Variants in ST8SIA4 observed in about 807,000 individuals in gnomAD.
ST8SIA4 encodes ST8 alpha-N-acetyl-neuraminide alpha-2,8-sialyltransferase 4.
In ST8SIA4, 15 loss-of-function variants were observed where a neutral mutation model predicts 33.9. That is an observed-to-expected ratio of 0.44 (90% CI 0.30 to 0.68). ST8SIA4 has a LOEUF of 0.68. Among genes scored for constraint, ST8SIA4 ranks in the 30% least tolerant of loss-of-function variants. The probability of loss-of-function intolerance (pLI) is 0.10; values close to 1 mark genes in which losing one functional copy is unlikely to be tolerated. For missense variants in ST8SIA4, 321 were observed against 428.0 expected, an observed-to-expected ratio of 0.75 and a Z score of 2.21; for synonymous variants, 171 against 151.2, an observed-to-expected ratio of 1.13 and a Z score of -0.96.
intron 3 of ST8SIA4, among the ~76,000 whole-genome samples, chr5:100,880,687 T>A (rs897395807): frequency 6.6e-6 from 1 of 152,304 alleles, no homozygotes; most frequent in Admixed American, 6.5e-5. Flanking sequence ...CAAGAGATGA[T>A]GTTGGCTTTT....
At chr5:100,814,287 A>C (rs2112395598) in intron 4 of ST8SIA4, among the ~76,000 whole-genome samples, 1 of 152,174 alleles carries the variant, frequency 6.6e-6, no homozygotes, top group Admixed American at 6.5e-5. Context: ...AAAGCATCTT[A>C]TTTGAAAATA....
intron 4 of ST8SIA4, among the ~76,000 whole-genome samples, chr5:100,841,299 T>C (rs1486910292): frequency 6.6e-6 from 1 of 151,852 alleles, no homozygotes; most frequent in Non-Finnish European, 1.5e-5. Flanking sequence ...ATTCAAGCCA[T>C]AGGTATTGGA....
intron 4 of ST8SIA4, among the ~76,000 whole-genome samples, chr5:100,821,578 C>G (rs1417818971): frequency 6.6e-6 from 1 of 152,030 alleles, no homozygotes; most frequent in Non-Finnish European, 1.5e-5. Context: ...CATTAACCTC[C>G]CAGATAGTTG....
chr5:100,891,494 ATTTCTAAGTCCTAGCAG>A (rs1406253100), intron 2 of ST8SIA4, among the ~76,000 whole-genome samples: 22 of 152,150 alleles, frequency 1.4e-4, no homozygotes, highest in African/African-American at 5.1e-4. Flanking sequence ...CTTATTTAGG[ATTTCTAAGTCCTAGCAG>A]TTATGGGAAA....
rs1348692179 is a variant in ST8SIA4 at position 100,856,352 on chromosome 5, G to T, written c.548C>A (p.Thr183Asn). 1 of 1,613,882 alleles carries T rather than the reference G, an allele frequency of 6.2e-7. No homozygotes were observed. The highest frequency in any genetic ancestry group is 8.5e-7 in the Non-Finnish European group (1 of 1,179,952). Reference sequence around the variant, plus strand: ...ATTCATGGTAATAAAATCTGATTTAGTTCCCACATCTGCAGCAAACTCCAC... The same window carrying T: ...ATTCATGGTAATAAAATCTGATTTATTTCCCACATCTGCAGCAAACTCCAC... ...PVVEFAADVGTKSDFITMNPS... is the reference protein window; with the variant it reads ...PVVEFAADVGNKSDFITMNPS... Residue 183 changes from threonine to asparagine, a missense_variant, in exon 4 of 5, where the codon ACT (threonine) becomes AAT (asparagine). By Grantham distance (65) the Thr-to-Asn change is moderately conservative. Coordinates refer to ENST00000231461, the MANE Select transcript of ST8SIA4 (RefSeq NM_005668.6).
intron 2 of ST8SIA4, 114 bp from the exon 3 acceptor site, chr5:100,886,714 AG>A (rs1218256447): frequency 3.6e-6 from 3 of 824,692 alleles, no homozygotes; most frequent in Non-Finnish European, 5.7e-6. Flanking sequence ...TATTAATCTT[AG>A]ATTACCAAAT....
At chr5:100,886,122 A>G (rs1343959849) in intron 3 of ST8SIA4, 1 of 1,314,938 alleles carries the variant, frequency 7.6e-7, no homozygotes, top group African/African-American at 1.5e-5. Context: ...AGCTGTGTGA[A>G]TCTTGTTGCT....
At chr5:100,847,209 C>T (rs1347049731) in intron 4 of ST8SIA4, among the ~76,000 whole-genome samples, 2 of 152,012 alleles carry the variant, frequency 1.3e-5, no homozygotes, top group East Asian at 3.8e-4. Context: ...AATTTTAAAA[C>T]AAGTAAGCCA....
At chr5:100,849,161 AAG>A in intron 4 of ST8SIA4, 1 of 985,144 alleles carries the variant, frequency 1.0e-6, no homozygotes, top group South Asian at 4.7e-5. Flanking sequence ...AATTAAGGAC[AAG>A]AGTTTTTTTG....
chr5:100,869,444 A>G (rs1217131726), intron 3 of ST8SIA4, among the ~76,000 whole-genome samples: 2 of 152,166 alleles, frequency 1.3e-5, no homozygotes, highest in East Asian at 3.9e-4. Context: ...GAATCATACC[A>G]TCGACACTAG....
intron 3 of ST8SIA4, among the ~76,000 whole-genome samples, chr5:100,879,226 C>T (rs1752368437): frequency 6.6e-6 from 1 of 152,122 alleles, no homozygotes; most frequent in Non-Finnish European, 1.5e-5. Context: ...ATCACAGCTG[C>T]TAAAATATCA....
At chr5:100,856,871 T>C (rs1474394848) in intron 3 of ST8SIA4, among the ~76,000 whole-genome samples, 2 of 152,184 alleles carry the variant, frequency 1.3e-5, no homozygotes, top group Non-Finnish European at 2.9e-5. Context: ...GAAATAAAGT[T>C]GGCTTTACTT....
At chr5:100,818,337 T>A (rs1277074184) in intron 4 of ST8SIA4, among the ~76,000 whole-genome samples, 1 of 151,988 alleles carries the variant, frequency 6.6e-6, no homozygotes, top group Non-Finnish European at 1.5e-5. Flanking sequence ...TCAATAGTGG[T>A]TTTTTTTCTA....
chr5:100,884,967 G>C (rs1752505562), intron 3 of ST8SIA4, among the ~76,000 whole-genome samples: 1 of 147,576 alleles, frequency 6.8e-6, no homozygotes, highest in Non-Finnish European at 1.5e-5. Context: ...TGCGATTGTT[G>C]AAATCCTTAC....
At chr5:100,894,716 T>G (rs1752743612) in intron 2 of ST8SIA4, among the ~76,000 whole-genome samples, 1 of 152,076 alleles carries the variant, frequency 6.6e-6, no homozygotes. Flanking sequence ...TCCTTCAAAT[T>G]TCTTATAATC....
Position 100,809,826 on chromosome 5 carries a change from A to C in ST8SIA4, c.*2021T>G, listed in dbSNP as rs1293074677. ...CAGTCTCCTATACGCATTAGATTTT[A>C]CTTACTTAGAGACACATACATTCTC... On this transcript the variant is annotated 3_prime_UTR_variant, in exon 5 of 5. Coordinates refer to ENST00000231461, the MANE Select transcript of ST8SIA4 (RefSeq NM_005668.6). 6.6e-6 allele frequency: 1 copy of C among 152,268 alleles called. No homozygotes were observed. Among genetic ancestry groups the C allele is most frequent in the East Asian group, 1.9e-4 (1 of 5,188 alleles). The allele number at this position is 152,268 out of a possible 1,614,324, so 9.4% of individuals were successfully genotyped here.
At position 100,810,458 on chromosome 5, in the gene ST8SIA4, G is replaced by C. The variant is rs1750792206; in HGVS notation, c.*1389C>G. On this transcript the variant is annotated 3_prime_UTR_variant, in exon 5 of 5. Transcript: ENST00000231461. The stretch of plus-strand genomic sequence containing the variant: ...CCATATTTCTATTTGAATAACAAGG[G>C]GAATATCAAAGAACTGGAAGTCACA... The C allele has an allele frequency of 6.6e-6, 1 of 151,914 alleles. No homozygotes were observed. Among genetic ancestry groups the C allele is most frequent in the Non-Finnish European group, 1.5e-5 (1 of 67,938 alleles). 9.4% of individuals were successfully genotyped at this position (151,914 alleles called of 1,614,324 possible). A position where few individuals can be genotyped will look rare whatever the true frequency, so the allele number is the denominator to read the frequency against.
intron 3 of ST8SIA4, among the ~76,000 whole-genome samples, chr5:100,864,685 C>CAA (rs1752026470): frequency 6.6e-6 from 1 of 151,176 alleles, no homozygotes; most frequent in Non-Finnish European, 1.5e-5. Flanking sequence ...ATTACTTATT[C>CAA]CCACTGCCAA....
At chr5:100,845,186 T>A (rs1751544276) in intron 4 of ST8SIA4, among the ~76,000 whole-genome samples, 1 of 151,992 alleles carries the variant, frequency 6.6e-6, no homozygotes, top group Non-Finnish European at 1.5e-5. Context: ...ACAAAAGACC[T>A]AATCTAAACT....
Sources: allele counts gnomAD v4.1 joint callset (sites outside exome capture counted in the v4.1 genomes callset), GRCh38; gene constraint gnomAD v4.1.1; transcripts MANE v1.5; gene names NCBI Gene and HGNC (gene_info 2026-07-23, HGNC 2026-07-21).